PDLIM2: variants seen among roughly 807,000 people sequenced by gnomAD.
PDLIM2 encodes PDZ and LIM domain 2, also known as PDZ and LIM domain protein 2.
In PDLIM2, 51 loss-of-function variants were observed where a neutral mutation model predicts 54.1. That is an observed-to-expected ratio of 0.94 (90% CI 0.75 to 1.19). PDLIM2 has a LOEUF of 1.19. Among genes scored for constraint, PDLIM2 ranks in the 50% most tolerant of loss-of-function variants. PDLIM2 has a pLI of 0.00. For missense variants in PDLIM2, 912 were observed against 874.0 expected (o/e 1.04, Z -0.55); for synonymous variants, 398 against 385.6 (o/e 1.03, Z -0.38).
At chr8:22,578,832 C>A in exon 1 of PDLIM2, 2 of 1,234,464 alleles carry the variant, frequency 1.6e-6, no homozygotes, top group Non-Finnish European at 2.0e-6. Context: ...GGGCTGCCCC[C>A]TCGATCGTCT....
downstream of PDLIM2, chr8:22,596,822 G>A (rs758689840): frequency 3.9e-5 from 6 of 152,194 alleles, no homozygotes; most frequent in African/African-American, 1.2e-4. Flanking sequence ...CTCACAACCC[G>A]AGATAGGTAC....
At chr8:22,588,964 A>G in intron 6 of PDLIM2, 1 of 457,378 alleles carries the variant, frequency 2.2e-6, no homozygotes, top group Non-Finnish European at 3.9e-6. Flanking sequence ...TTGCACACAG[A>G]TAATAGCGTG....
At chr8:22,580,846 C>A in intron 2 of PDLIM2, 149 bp downstream of exon 1, 1 of 896,138 alleles carries the variant, frequency 1.1e-6, no homozygotes, top group Non-Finnish European at 1.8e-6. Context: ...GGAGCCGTGG[C>A]CCTTTGCCAC....
rs1205316964 is a variant in PDLIM2 at position 22,581,198 on chromosome 8, C to G, written c.844-181C>G. ...GAATGCCAGTGTGGGGTGGGGGCTG[C>G]CACCTGCGCTCCTGGAGGGGATGGC... On this transcript the variant is annotated intron_variant, in intron 2 of 9. Coordinates refer to ENST00000308354, the Ensembl canonical transcript of PDLIM2. The G allele has an allele frequency of 4.0e-6, 3 of 741,322 alleles. No individual in the cohort carries two copies. The African/African-American group carries it at 5.2e-5, about 13-fold the overall frequency. The allele number at this position is 741,322 out of a possible 1,614,324, so 45.9% of individuals were successfully genotyped here.
At position 22,585,104 on chromosome 8, in the gene PDLIM2, C is replaced by G. The variant is rs1367876425; in HGVS notation, c.1153C>G (p.Pro385Ala). ...CTCCCTCAGCCCGAGGGCCGGCAGC[C>G]CCTTCTCACCACCACCCTCTAGCAG... is the stretch of plus-strand genomic sequence containing the variant. The change falls in exon 5 of 10, where the codon CCC becomes GCC. Residue 385 changes from proline (P) to alanine (A), a missense_variant. Transcript: ENST00000308354. 2 of 1,613,956 alleles carry G rather than the reference C, an allele frequency of 1.2e-6. No individual in the cohort carries two copies. Among genetic ancestry groups the G allele is most frequent in the Non-Finnish European group, 8.5e-7 (1 of 1,180,016 alleles).
At position 22,579,459 on chromosome 8, in the gene PDLIM2, G is replaced by C. The variant is rs1170740256; in HGVS notation, c.680G>C (p.Arg227Thr). The C allele has an allele frequency of 2.0e-6, 3 of 1,518,966 alleles. No homozygotes were observed. In the Admixed American group the frequency reaches 6.0e-5, roughly 30 times the overall value. The allele number at this position is 1,518,966 out of a possible 1,614,324, so 94.1% of individuals were successfully genotyped here. A position where few individuals can be genotyped will look rare whatever the true frequency, so the allele number is the denominator to read the frequency against. ...AGCGAAGGAGGCTCCAGAACTGGTA[G>C]AGCCGGGCCATCGGGCTGGGCACCT... is the stretch of plus-strand genomic sequence containing the variant. Residue 227 changes from arginine to threonine, a missense_variant, in exon 1 of 10, where the codon AGA (arginine) becomes ACA (threonine). Arg to Thr is a moderately conservative substitution (Grantham distance 71). Transcript: ENST00000308354.
At chr8:22,585,797 C>T (rs572746567) in intron 6 of PDLIM2, 41 of 155,136 alleles carry the variant, frequency 2.6e-4, no homozygotes, top group African/African-American at 9.2e-4. Flanking sequence ...TTCCAAGACC[C>T]GGGCCTGCCT....
At chr8:22,589,910 TGACGGTCCGG>T (rs1800494354) in intron 8 of PDLIM2, 169 bp downstream of exon 7, 1 of 933,426 alleles carries the variant, frequency 1.1e-6, no homozygotes, top group Non-Finnish European at 1.6e-6. Context: ...CATAAGGAGC[TGACGGTCCGG>T]GAGGGTCCGG....
At chr8:22,589,801 CTGGA>C in intron 8 of PDLIM2, 60 bp downstream of exon 7, 2 of 1,543,584 alleles carry the variant, frequency 1.3e-6, no homozygotes, top group Non-Finnish European at 1.8e-6. Flanking sequence ...CGGGCCCTGA[CTGGA>C]TGGGTCAGTG....
intron 6 of PDLIM2, among the ~76,000 whole-genome samples, chr8:22,586,179 T>C (rs908296900): frequency 3.3e-5 from 5 of 151,822 alleles, no homozygotes; most frequent in African/African-American, 1.2e-4. Flanking sequence ...CCTTTGGGGG[T>C]GGCCAGGGAG....
intron 9 of PDLIM2, 171 bp downstream of exon 8, chr8:22,591,839 G>A: frequency 1.7e-6 from 1 of 582,598 alleles, no homozygotes; most frequent in Admixed American, 3.5e-5. Flanking sequence ...TTAGTTACAG[G>A]CTTCTTAGGA....
At chr8:22,581,790 C>T (rs985533230) in intron 3 of PDLIM2, among the ~76,000 whole-genome samples, 1 of 152,254 alleles carries the variant, frequency 6.6e-6, no homozygotes, top group African/African-American at 2.4e-5. Flanking sequence ...GAGCTGGCAC[C>T]AGCCACCTTG....
Position 22,578,995 on chromosome 8 carries a change from CG to C in PDLIM2, c.219del (p.Leu74SerfsTer180). 21 of 1,242,194 alleles carry C rather than the reference CG, an allele frequency of 1.7e-5. No homozygotes were observed. Among genetic ancestry groups the C allele is most frequent in the Non-Finnish European group, 2.1e-5 (21 of 994,864 alleles). The allele number at this position is 1,242,194 out of a possible 1,614,324, so 76.9% of individuals were successfully genotyped here. Reference sequence around the variant, plus strand: ...GGGACAGCCTGCCTCATCCCCCCGGCGGGCTCGGGCCAGGTGGCAGCGCCTG... The same window carrying C: ...GGGACAGCCTGCCTCATCCCCCCGGCGGCTCGGGCCAGGTGGCAGCGCCTG... On this transcript the variant is annotated frameshift_variant, in exon 1 of 10. Coordinates refer to ENST00000308354, the Ensembl canonical transcript of PDLIM2. LOFTEE classifies it high-confidence loss of function.
chr8:22,581,756 G>A (rs568651575), intron 3 of PDLIM2, among the ~76,000 whole-genome samples: 2 of 152,380 alleles, frequency 1.3e-5, no homozygotes, highest in Admixed American at 6.5e-5. Flanking sequence ...CAGGCTGGGC[G>A]TGCAGTCACA....
At chr8:22,583,809 A>G (rs991397968) in intron 3 of PDLIM2, among the ~76,000 whole-genome samples, 5 of 144,410 alleles carry the variant, frequency 3.5e-5, no homozygotes, top group Admixed American at 7.4e-5. Context: ...ATCAATCTAC[A>G]AACCCGAGGC....
At chr8:22,582,111 A>G (rs1304411181) in intron 3 of PDLIM2, among the ~76,000 whole-genome samples, 1 of 152,186 alleles carries the variant, frequency 6.6e-6, no homozygotes, top group Non-Finnish European at 1.5e-5. Context: ...CTATAGGGGG[A>G]ACAGGTGGCT....
exon 8 of PDLIM2, chr8:22,589,614 A>C: frequency 6.2e-7 from 1 of 1,602,000 alleles, no homozygotes; most frequent in African/African-American, 1.3e-5. Flanking sequence ...CGGAAGGGGG[A>C]AGCCTCCTCC....
At chr8:22,580,236 C>T (rs1800148440) in intron 1 of PDLIM2, 1 of 344,760 alleles carries the variant, frequency 2.9e-6, no homozygotes, top group Non-Finnish European at 5.6e-6. Context: ...TGGGACTGAG[C>T]CCTGATGGTG....
chr8:22,593,818 C>T (rs778981544), exon 10 of PDLIM2: 14 of 1,600,512 alleles, frequency 8.7e-6, no homozygotes, highest in Non-Finnish European at 1.1e-5. Context: ...CCTGAAGATG[C>T]GCGGGCACTT....
Sources: allele counts gnomAD v4.1 joint callset (sites outside exome capture counted in the v4.1 genomes callset), GRCh38; gene constraint gnomAD v4.1.1; transcripts MANE v1.5; gene names NCBI Gene and HGNC (gene_info 2026-07-23, HGNC 2026-07-21).